RHBDF1: variants seen among roughly 807,000 people sequenced by gnomAD.
RHBDF1 encodes inactive rhomboid protein 1.
RHBDF1 carries 80 observed loss-of-function variants against 98.6 expected under a neutral mutation model. The observed-to-expected ratio is 0.81, with a 90% CI of 0.68 to 0.98. The LOEUF (loss-of-function observed/expected upper bound fraction) is 0.98. Among genes scored for constraint, RHBDF1 ranks in the 50% least tolerant of loss-of-function variants. RHBDF1 has a pLI of 0.00. For synonymous variants in RHBDF1, 512 were observed against 486.8 expected (o/e 1.05, Z -0.68); for missense variants, 1,116 against 1,198.3 (o/e 0.93, Z 1.01).
intron 16 of RHBDF1, 46 bp from the exon 17 acceptor site, chr16:59,173 G>A: frequency 6.2e-7 from 1 of 1,600,916 alleles, no homozygotes; most frequent in South Asian, 1.1e-5. Flanking sequence ...CAGCAGGGAA[G>A]TGACCTTTCT....
intron 1 of RHBDF1, among the ~76,000 whole-genome samples, chr16:69,837 A>G (rs1897924403): frequency 6.6e-6 from 1 of 152,180 alleles, no homozygotes; most frequent in Non-Finnish European, 1.5e-5. Flanking sequence ...CCAGGTCCCC[A>G]GCAGGACAGA....
chr16:72,444 C>T (rs1462828078), intron 1 of RHBDF1, 69 bp downstream of exon 1: 15 of 659,144 alleles, frequency 2.3e-5, no homozygotes, highest in African/African-American at 8.0e-5. Context: ...GGACTCGCCC[C>T]GCCCTCCGGA....
rs753145492 is a variant in RHBDF1, at chr16:59,264, A to G, written c.1979T>C (p.Leu660Pro). ...TGTCACTTGCCCGGCGTGCAGGAAG[A>G]GGGATAGCCACAGGCGGTAGAACTG... The part of the protein sequence containing the change: ...PDQFYRLWLS[L>P]FLHAGILHCL... Residue 660 changes from leucine (L) to proline (P), a missense_variant, in exon 16 of 18, where the codon CTC becomes CCC. Leu to Pro is a moderately conservative substitution (Grantham distance 98, BLOSUM62 -3). Transcript: ENST00000262316. The G allele has an allele frequency of 2.8e-5, 45 of 1,605,690 alleles. No individual in the cohort carries two copies. The highest frequency in any genetic ancestry group is 3.8e-5 in the Non-Finnish European group (45 of 1,175,190).
In RHBDF1 at chr16:62,783, A is replaced by C; in HGVS notation, c.787T>G (p.Phe263Val). The C allele has an allele frequency of 6.2e-7, 1 of 1,614,058 alleles. No homozygotes were observed. Among genetic ancestry groups the C allele is most frequent in the Middle Eastern group, 1.6e-4 (1 of 6,062 alleles). Residue 263 changes from phenylalanine to valine, a missense_variant, in exon 6 of 18, where the codon TTT (phenylalanine) becomes GTT (valine). Phe to Val is a conservative substitution (Grantham distance 50). Transcript: ENST00000262316. Reference protein sequence around the residue: ...DFPDELDTSFFAREGILHEEL... With the variant: ...DFPDELDTSFVAREGILHEEL... ...CCCCGGGCACTTCTTACCCGGGCAA[A>C]GAAGGATGTGTCCAGCTCATCGGGG...
intron 9 of RHBDF1, 59 bp from the exon 10 acceptor site, chr16:61,518 C>T (rs1433294367): frequency 1.2e-6 from 2 of 1,611,332 alleles, no homozygotes; most frequent in Middle Eastern, 1.7e-4. Flanking sequence ...CCTCCCAGAG[C>T]GGGTCGGGAG....
At chr16:64,168 G>T in intron 3 of RHBDF1, 1 of 1,019,418 alleles carries the variant, frequency 9.8e-7, no homozygotes, top group Non-Finnish European at 1.4e-6. Context: ...GGTGCTTACG[G>T]GCCCAGGCAG....
At chr16:59,892 G>T in intron 13 of RHBDF1, 66 bp from the exon 14 acceptor site, 2 of 1,608,682 alleles carry the variant, frequency 1.2e-6, no homozygotes, top group South Asian at 1.1e-5. Flanking sequence ...CACCACGTTT[G>T]GGGGTAGAGG....
rs1897457377 is a variant in RHBDF1, at chr16:58,213, G to A, written c.*127C>T. ...GAAGTGAACAAGGCACAAGAAAGAG[G>A]TCTGTGTTCAGGAAACAGGCCAGTC... On this transcript the variant is annotated 3_prime_UTR_variant, in exon 18 of 18. Transcript: ENST00000262316. 2.4e-6 allele frequency: 2 copies of A among 839,626 alleles called. No homozygotes were observed. The highest frequency in any genetic ancestry group is 2.7e-5 in the Admixed American group (1 of 37,070). 52.0% of individuals were successfully genotyped at this position (839,626 alleles called of 1,614,324 possible).
chr16:61,026 A>T (rs1395852423), intron 11 of RHBDF1, 94 bp downstream of exon 11: 1 of 1,366,500 alleles, frequency 7.3e-7, no homozygotes, highest in South Asian at 1.4e-5. Context: ...TGTGCCAGGA[A>T]CGAGGGCGAA....
chr16:72,304 G>A (rs1157260899), intron 1 of RHBDF1, among the ~76,000 whole-genome samples: 1 of 152,092 alleles, frequency 6.6e-6, no homozygotes, highest in Non-Finnish European at 1.5e-5. Flanking sequence ...GCCTCCGCGG[G>A]CGACTCGGGA....
Position 62,623 on chromosome 16 carries a change from T to G in RHBDF1, c.868A>C (p.Lys290Gln). Residue 290 changes from lysine (K) to glutamine (Q), a missense_variant, in exon 7 of 18, where the codon AAG becomes CAG. Physicochemically the swap from Lys to Gln is moderately conservative, Grantham distance 53. Transcript: ENST00000262316. ...TGCTCCGGTGCCTTCTCCCAGTCCTTTAGCGCTGCCTCCGATGGGGACTCG... is the reference window on the plus strand; with the variant it reads ...TGCTCCGGTGCCTTCTCCCAGTCCTGTAGCGCTGCCTCCGATGGGGACTCG... Reference protein sequence around the residue: ...VFESPSEAALKDWEKAPEQAD... With the variant: ...VFESPSEAALQDWEKAPEQAD... 6.2e-7 allele frequency: 1 copy of G among 1,613,976 alleles called. No homozygotes were observed. The highest frequency in any genetic ancestry group is 8.5e-7 in the Non-Finnish European group (1 of 1,180,014).
chr16:61,211 A>G lies in RHBDF1; in HGVS notation c.1466T>C (p.Ile489Thr), dbSNP rs1486411803. ...MRQDPQVHSFIRSAREREKHS... is the reference protein window; with the variant it reads ...MRQDPQVHSFTRSAREREKHS... ...CTTCTCGCGCTCGCGCGCCGAGCGA[A>G]TGAAGCTGTGCACCTGCGGGTCCTG... The change falls in exon 11 of 18, where the codon ATT becomes ACT. Residue 489 changes from isoleucine to threonine, a missense_variant. By Grantham distance (89) the Ile-to-Thr change is moderately conservative. Transcript: ENST00000262316. 1.3e-6 allele frequency: 2 copies of G among 1,545,886 alleles called. No homozygotes were observed. The highest frequency in any genetic ancestry group is 2.4e-5 in the East Asian group (1 of 40,840).
At chr16:71,328 C>T (rs1306383068) in intron 1 of RHBDF1, among the ~76,000 whole-genome samples, 1 of 152,208 alleles carries the variant, frequency 6.6e-6, no homozygotes, top group Non-Finnish European at 1.5e-5. Flanking sequence ...GCCCCATTCT[C>T]AGGAAAAGGG....
chr16:60,740 A>C (rs1432298040), intron 11 of RHBDF1: 1 of 584,852 alleles, frequency 1.7e-6, no homozygotes, highest in African/African-American at 1.9e-5. Context: ...GAAAATCAGA[A>C]ACAACCTCTG....
Position 61,299 on chromosome 16 carries a change from G to T in RHBDF1, c.1396-18C>A. On this transcript the variant is annotated intron_variant, in intron 10 of 17. Coordinates refer to ENST00000262316, the MANE Select transcript of RHBDF1 (RefSeq NM_022450.5). Reference sequence around the variant, plus strand: ...AGGGCCTCCTGCGGGCGAGGGAGACGAGCGGCCGCAGTCCGGGGCCTCCTG... The same window carrying T: ...AGGGCCTCCTGCGGGCGAGGGAGACTAGCGGCCGCAGTCCGGGGCCTCCTG... 1.3e-6 allele frequency: 2 copies of T among 1,541,924 alleles called. No individual in the cohort carries two copies. Among genetic ancestry groups the T allele is most frequent in the Middle Eastern group, 2.2e-4 (1 of 4,582 alleles).
At chr16:65,145 G>T in intron 1 of RHBDF1, 106 bp from the exon 2 acceptor site, 2 of 1,213,136 alleles carry the variant, frequency 1.6e-6, no homozygotes, top group East Asian at 2.6e-5. Context: ...CAACCGTGGT[G>T]CTCATGTCCC....
intron 1 of RHBDF1, among the ~76,000 whole-genome samples, chr16:68,219 G>T (rs540192761): frequency 1.3e-5 from 2 of 152,230 alleles, no homozygotes; most frequent in African/African-American, 4.8e-5. Context: ...CCTGAGAACC[G>T]ACAGTTATAG....
At chr16:75,879 C>T (rs915353559), upstream of RHBDF1, among the ~76,000 whole-genome samples, 3 of 152,184 alleles carry the variant, frequency 2.0e-5, no homozygotes, top group Admixed American at 2.0e-4. Context: ...TCAGCACCCC[C>T]CTCCATCAGA....
At chr16:60,969 T>G in intron 11 of RHBDF1, 151 bp downstream of exon 11, 3 of 771,376 alleles carry the variant, frequency 3.9e-6, no homozygotes, top group Non-Finnish European at 6.0e-6. Context: ...AGGGTGGGGA[T>G]GAGGAGGAAT....
Sources: allele counts gnomAD v4.1 joint callset (sites outside exome capture counted in the v4.1 genomes callset), GRCh38; gene constraint gnomAD v4.1.1; transcripts MANE v1.5; gene names NCBI Gene and HGNC (gene_info 2026-07-23, HGNC 2026-07-21).